SGIP1: variants seen among roughly 807,000 people sequenced by gnomAD.
The protein encoded by SGIP1 is SH3GL interacting endocytic adaptor 1.
In SGIP1, 38 loss-of-function variants were observed where a neutral mutation model predicts 107.5. The ratio of observed to expected loss-of-function variants is 0.35; its 90% CI spans 0.27 to 0.46. SGIP1 has a LOEUF of 0.46. Among genes scored for constraint, SGIP1 ranks in the 20% least tolerant of loss-of-function variants. The pLI is 1.00. For synonymous variants in SGIP1, 365 were observed against 366.1 expected, an observed-to-expected ratio of 1.00 and a Z score of 0.03; for missense variants, 929 against 1,019.5, an observed-to-expected ratio of 0.91 and a Z score of 1.21.
intron 18 of SGIP1, among the ~76,000 whole-genome samples, chr1:66,701,118 T>A (rs1177644929): frequency 6.6e-6 from 1 of 152,198 alleles, no homozygotes; most frequent in African/African-American, 2.4e-5. Flanking sequence ...CATTCGACTT[T>A]CCTTACCCTG....
At chr1:66,551,955 A>G (rs1237915047) in intron 1 of SGIP1, among the ~76,000 whole-genome samples, 1 of 152,130 alleles carries the variant, frequency 6.6e-6, no homozygotes, top group Non-Finnish European at 1.5e-5. Flanking sequence ...GCTCTGAGTG[A>G]GGGGTTGTAT....
chr1:66,726,235 A>AGC (rs1300803830), intron 19 of SGIP1, among the ~76,000 whole-genome samples: 10 of 152,196 alleles, frequency 6.6e-5, no homozygotes, highest in Admixed American at 5.9e-4. Flanking sequence ...ATGTCTCTCT[A>AGC]GCGCCCTCTA....
At chr1:66,677,431 A>G (rs2085639413) in intron 13 of SGIP1, among the ~76,000 whole-genome samples, 1 of 152,226 alleles carries the variant, frequency 6.6e-6, no homozygotes, top group African/African-American at 2.4e-5. Context: ...GCATTAGGCT[A>G]TCATATAACA....
chr1:66,623,137 C>G (rs2071608161), intron 1 of SGIP1, among the ~76,000 whole-genome samples: 1 of 152,170 alleles, frequency 6.6e-6, no homozygotes, highest in South Asian at 2.1e-4. Flanking sequence ...CTGAAAGATT[C>G]ATTAAGATAT....
intron 18 of SGIP1, among the ~76,000 whole-genome samples, chr1:66,718,945 T>A (rs1384442309): frequency 6.6e-6 from 1 of 152,162 alleles, no homozygotes; most frequent in Non-Finnish European, 1.5e-5. Flanking sequence ...AGGAAACTAA[T>A]AACTGTCTTT....
intron 1 of SGIP1, among the ~76,000 whole-genome samples, chr1:66,614,304 A>C (rs548936882): frequency 1.4e-4 from 21 of 152,202 alleles, no homozygotes; most frequent in Non-Finnish European, 2.5e-4. Context: ...GCAGGTGTTC[A>C]CTGTAACTTG....
chr1:66,535,822 T>G (rs1386607560), intron 1 of SGIP1, among the ~76,000 whole-genome samples: 1 of 152,224 alleles, frequency 6.6e-6, no homozygotes, highest in Non-Finnish European at 1.5e-5. Context: ...ACTTTTCAAT[T>G]AAAAGCTCAT....
chr1:66,737,614 C>G (rs540670080), intron 21 of SGIP1, among the ~76,000 whole-genome samples: 1 of 152,282 alleles, frequency 6.6e-6, no homozygotes, highest in East Asian at 1.9e-4. Flanking sequence ...ACCTCAGGTG[C>G]TTAATATCCC....
intron 1 of SGIP1, among the ~76,000 whole-genome samples, chr1:66,604,738 A>C (rs1054599528): frequency 2.0e-5 from 3 of 152,224 alleles, no homozygotes; most frequent in Non-Finnish European, 4.4e-5. Flanking sequence ...GCAGTGGGTT[A>C]ACTGGTTGTT....
At chr1:66,713,026 A>T (rs557773663) in intron 18 of SGIP1, among the ~76,000 whole-genome samples, 4 of 152,214 alleles carry the variant, frequency 2.6e-5, no homozygotes, top group African/African-American at 9.6e-5. Flanking sequence ...CAGGTTCCTA[A>T]GATAACTCTC....
chr1:66,677,060 G>A lies in SGIP1; in HGVS notation c.703G>A (p.Glu235Lys), dbSNP rs539368139. The change falls in exon 13 of 25, where the codon GAG becomes AAG. Residue 235 changes from glutamate (E) to lysine (K), a missense_variant. Glu to Lys is a moderately conservative substitution (Grantham distance 56, BLOSUM62 1). Around this residue, in one of 2 missense-constraint regions of SGIP1, gnomAD observed 588 missense variants for 588.6 expected, o/e 1.00. Coordinates refer to ENST00000371037, the MANE Select transcript of SGIP1 (RefSeq NM_032291.4). ...AGGCCAACCAATTAATCCAAGCATGGAGTCGCCAAAGTTAACAAGGCCTTT... is the reference window on the plus strand; with the variant it reads ...AGGCCAACCAATTAATCCAAGCATGAAGTCGCCAAAGTTAACAAGGCCTTT... The part of the protein sequence containing the change: ...GSGQPINPSM[E>K]SPKLTRPFPT... The A allele has an allele frequency of 1.2e-6, 2 of 1,613,906 alleles. No homozygotes were observed. Among genetic ancestry groups the A allele is most frequent in the Admixed American group, 1.7e-5 (1 of 60,000 alleles).
At chr1:66,572,941 T>A (rs1323546938) in intron 1 of SGIP1, among the ~76,000 whole-genome samples, 2 of 152,028 alleles carry the variant, frequency 1.3e-5, no homozygotes, top group African/African-American at 4.8e-5. Context: ...TTGTGTCAAG[T>A]GAAAGGACCG....
At chr1:66,707,520 C>G (rs1181141352) in intron 18 of SGIP1, among the ~76,000 whole-genome samples, 2 of 152,152 alleles carry the variant, frequency 1.3e-5, no homozygotes, top group Non-Finnish European at 2.9e-5. Flanking sequence ...TAAATTATTG[C>G]AAAGTAAATA....
intron 8 of SGIP1, among the ~76,000 whole-genome samples, chr1:66,665,599 A>G (rs563723838): frequency 2.0e-5 from 3 of 152,250 alleles, no homozygotes; most frequent in African/African-American, 7.2e-5. Flanking sequence ...CAGTGTAAAA[A>G]CATTCCTATT....
intron 1 of SGIP1, among the ~76,000 whole-genome samples, chr1:66,542,728 G>A (rs2055292898): frequency 6.6e-6 from 1 of 152,094 alleles, no homozygotes. Flanking sequence ...TTGACTGTGG[G>A]TAACTGAACC....
intron 1 of SGIP1, among the ~76,000 whole-genome samples, chr1:66,537,691 A>G (rs905964901): frequency 2.0e-5 from 3 of 152,146 alleles, no homozygotes; most frequent in African/African-American, 7.2e-5. Context: ...TTAAGGGCTT[A>G]CTGGGTTTAA....
At chr1:66,667,624 A>G in intron 9 of SGIP1, 83 bp downstream of exon 9, 2 of 1,248,262 alleles carry the variant, frequency 1.6e-6, no homozygotes, top group Non-Finnish European at 2.4e-6. Flanking sequence ...GTTTCCCATT[A>G]AATTTATGAT....
chr1:66,534,161 G>T lies in SGIP1; in HGVS notation c.-198G>T. The T allele has an allele frequency of 1.6e-6, 1 of 617,914 alleles. No individual in the cohort carries two copies. The highest frequency in any genetic ancestry group is 2.9e-6 in the Non-Finnish European group (1 of 344,814). 38.3% of individuals were successfully genotyped at this position (617,914 alleles called of 1,614,324 possible). On this transcript the variant is annotated 5_prime_UTR_variant, in exon 1 of 25. Coordinates refer to ENST00000371037, the MANE Select transcript of SGIP1 (RefSeq NM_032291.4). ...TCTCCCTTTCTCTCAGCATCTTCTT[G>T]GTAGCCTGCCTGTAGGTGAAGAAGC...
At chr1:66,592,066 T>G (rs2063734997) in intron 1 of SGIP1, among the ~76,000 whole-genome samples, 1 of 152,194 alleles carries the variant, frequency 6.6e-6, no homozygotes, top group African/African-American at 2.4e-5. Flanking sequence ...AGGAGACAGA[T>G]GCCTTCCTCT....
Sources: allele counts gnomAD v4.1 joint callset (sites outside exome capture counted in the v4.1 genomes callset), GRCh38; gene constraint gnomAD v4.1.1; regional missense constraint gnomAD v4.1.1; transcripts MANE v1.5; gene names NCBI Gene and HGNC (gene_info 2026-07-23, HGNC 2026-07-21).